Variants in DMRT1 observed in about 807,000 individuals in gnomAD.
DMRT1 encodes the protein doublesex and mab-3 related transcription factor 1, also known as doublesex- and mab-3-related transcription factor 1.
Under a neutral mutation model 32.3 loss-of-function variants are expected in DMRT1, and 7 were observed. The ratio of observed to expected loss-of-function variants is 0.22; its 90% CI spans 0.12 to 0.41. DMRT1 has a LOEUF of 0.41. DMRT1 is among the 10% of genes least tolerant of loss of function. The pLI, the probability that DMRT1 is intolerant of heterozygous loss-of-function variation, is 1.00. For synonymous variants in DMRT1, 278 were observed against 206.1 expected (o/e 1.35, Z -2.99); for missense variants, 625 against 500.5 (o/e 1.25, Z -2.37).
intron 2 of DMRT1, among the ~76,000 whole-genome samples, chr9:861,616 C>T (rs1031800252): frequency 2.0e-5 from 3 of 149,676 alleles, no homozygotes; most frequent in African/African-American, 7.7e-5. Flanking sequence ...CAGAGGGGCT[C>T]CTCACTTCCC....
chr9:951,253 T>C (rs1397603713), intron 4 of DMRT1, among the ~76,000 whole-genome samples: 1 of 152,194 alleles, frequency 6.6e-6, no homozygotes, highest in Non-Finnish European at 1.5e-5. Context: ...CTGTAAGGAC[T>C]ACATTCAAGT....
At chr9:845,812 G>C (rs10977005) in intron 1 of DMRT1, among the ~76,000 whole-genome samples, 1 of 151,972 alleles carries the variant, frequency 6.6e-6, no homozygotes, top group Non-Finnish European at 1.5e-5. Context: ...ATATTATTCC[G>C]ATATGTACTG....
At chr9:946,956 C>A (rs1040143462) in intron 4 of DMRT1, among the ~76,000 whole-genome samples, 1 of 152,114 alleles carries the variant, frequency 6.6e-6, no homozygotes, top group Non-Finnish European at 1.5e-5. Flanking sequence ...ACCAAAGAGC[C>A]GATAATGTTA....
chr9:856,673 C>G (rs963362589), intron 2 of DMRT1, among the ~76,000 whole-genome samples: 11 of 152,246 alleles, frequency 7.2e-5, no homozygotes, highest in African/African-American at 2.6e-4. Flanking sequence ...TGGGTTTTGG[C>G]TATTATGAGT....
intron 2 of DMRT1, among the ~76,000 whole-genome samples, chr9:878,537 C>T (rs145930081): frequency 6.6e-6 from 1 of 152,098 alleles, no homozygotes; most frequent in Non-Finnish European, 1.5e-5. Context: ...TCACACCAAA[C>T]GCACTCAAGG....
rs148047827 is a variant in DMRT1 at position 878,058 on chromosome 9, G to A, written c.539-15854G>A. Among the ~76,000 whole-genome samples the A allele has an allele frequency of 3.8e-3, 577 of 152,320 alleles. 4 individuals carry two copies. Among genetic ancestry groups the A allele is most frequent in the African/African-American group, 0.013 (549 of 41,578 alleles). On this transcript the variant is annotated intron_variant, in intron 2 of 4. Coordinates refer to ENST00000382276, the MANE Select transcript of DMRT1 (RefSeq NM_021951.3). ...AGACCACGCTAGGAGAAATAATTATGCATGGTAATGGGCAATTACAGATAA... is the reference window on the plus strand; with the variant it reads ...AGACCACGCTAGGAGAAATAATTATACATGGTAATGGGCAATTACAGATAA...
rs913058093 is a variant in DMRT1, at chr9:930,782, G to A, written c.967+13875G>A. Among the ~76,000 whole-genome samples, 6 of 113,026 alleles carry A rather than the reference G, an allele frequency of 5.3e-5. No homozygotes were observed. The South Asian group carries it at 7.2e-4, about 14-fold the overall frequency. 74.1% of individuals were successfully genotyped at this position (113,026 alleles called of 152,430 possible). On this transcript the variant is annotated intron_variant, in intron 4 of 4. Coordinates refer to ENST00000382276, the MANE Select transcript of DMRT1 (RefSeq NM_021951.3). Reference sequence around the variant, plus strand: ...TGGTCTCAAACTCTGGGCCTCAAGCGGCCTGTTTCAGCCTCCAAAAGCACT... The same window carrying A: ...TGGTCTCAAACTCTGGGCCTCAAGCAGCCTGTTTCAGCCTCCAAAAGCACT...
chr9:968,150 C>CT lies in DMRT1; in HGVS notation c.*12dup, dbSNP rs79358387. 249,482 of 1,613,536 alleles carry CT rather than the reference C, an allele frequency of 0.15. 25,883 individuals are homozygous for CT. Among genetic ancestry groups the CT allele is most frequent in the African/African-American group, 0.45 (33,599 of 74,958 alleles). On this transcript the variant is annotated 3_prime_UTR_variant, in exon 5 of 5. Transcript: ENST00000382276. ...GAGGAGGACGAGTGAGCAGTGCCTGCTGCCGATGGCGGTTCACTTGGAGTA... is the reference window on the plus strand; with the variant it reads ...GAGGAGGACGAGTGAGCAGTGCCTGCTTGCCGATGGCGGTTCACTTGGAGTA...
chr9:850,896 G>A (rs1006910393), intron 2 of DMRT1, among the ~76,000 whole-genome samples: 2 of 152,060 alleles, frequency 1.3e-5, no homozygotes, highest in African/African-American at 4.8e-5. Context: ...GGGCATGGTG[G>A]CACACGCCTG....
intron 4 of DMRT1, among the ~76,000 whole-genome samples, chr9:922,189 T>A (rs1362769413): frequency 6.6e-6 from 1 of 151,962 alleles, no homozygotes; most frequent in Non-Finnish European, 1.5e-5. Context: ...AAGAAAAAAG[T>A]CTGGGGGGCT....
At chr9:884,358 C>CAT (rs57018137) in intron 2 of DMRT1, among the ~76,000 whole-genome samples, 12,808 of 128,482 alleles carry the variant, frequency 0.1, 1,158 homozygotes, top group African/African-American at 0.25. Flanking sequence ...TTTCACACTG[C>CAT]ATGTTAGTGC....
intron 2 of DMRT1, among the ~76,000 whole-genome samples, chr9:862,741 G>A (rs1434397498): frequency 1.3e-5 from 2 of 152,014 alleles, no homozygotes; most frequent in African/African-American, 4.8e-5. Flanking sequence ...AGTTTTGGTG[G>A]GTGTTGTCAA....
At chr9:851,683 G>C (rs1463150937) in intron 2 of DMRT1, among the ~76,000 whole-genome samples, 1 of 152,242 alleles carries the variant, frequency 6.6e-6, no homozygotes, top group African/African-American at 2.4e-5. Flanking sequence ...ATTAAGTATG[G>C]TTTCATTTGT....
chr9:861,110 G>A (rs1168590587), intron 2 of DMRT1, among the ~76,000 whole-genome samples: 1 of 149,864 alleles, frequency 6.7e-6, no homozygotes, highest in Non-Finnish European at 1.5e-5. Flanking sequence ...TCTCGGAGAG[G>A]GGGATTTGGC....
At chr9:864,317 C>T (rs556380037) in intron 2 of DMRT1, among the ~76,000 whole-genome samples, 1 of 147,284 alleles carries the variant, frequency 6.8e-6, no homozygotes, top group East Asian at 2.1e-4. Flanking sequence ...CGATTCTCCA[C>T]TTCAGCCTGC....
chr9:879,438 C>T (rs79069035), intron 2 of DMRT1, among the ~76,000 whole-genome samples: 5,189 of 151,764 alleles, frequency 0.034, 273 homozygotes, highest in African/African-American at 0.12. Context: ...ATCTCTTTTA[C>T]GTTTGGCTTA....
chr9:873,404 C>T (rs1816359285), intron 2 of DMRT1, among the ~76,000 whole-genome samples: 1 of 151,660 alleles, frequency 6.6e-6, no homozygotes, highest in Non-Finnish European at 1.5e-5. Context: ...CTCCCGGGTT[C>T]AAGTGATTCT....
chr9:877,593 C>G (rs545379326), intron 2 of DMRT1, among the ~76,000 whole-genome samples: 15 of 152,328 alleles, frequency 9.8e-5, no homozygotes, highest in African/African-American at 3.6e-4. Context: ...CTAATTTGAA[C>G]AGAACTCCTC....
intron 4 of DMRT1, among the ~76,000 whole-genome samples, chr9:932,082 A>G (rs1403522834): frequency 2.0e-5 from 3 of 152,322 alleles, no homozygotes; most frequent in African/African-American, 4.8e-5. Flanking sequence ...TCTCAGAGAT[A>G]GAGAACGCAG....
Sources: gnomAD v4.1 joint callset for allele counts (sites outside exome capture counted in the v4.1 genomes callset) on GRCh38, gnomAD v4.1.1 for gene constraint, MANE v1.5 for transcripts, NCBI Gene and HGNC (gene_info 2026-07-23, HGNC 2026-07-21) for gene names.